NEK7: variants seen among roughly 807,000 people sequenced by gnomAD.
NEK7 encodes the protein serine/threonine-protein kinase Nek7.
Under a neutral mutation model 44.6 loss-of-function variants are expected in NEK7, and 18 were observed. The ratio of observed to expected loss-of-function variants is 0.40; its 90% confidence interval spans 0.28 to 0.60. The LOEUF is 0.60. Among genes scored for constraint, NEK7 ranks in the 20% least tolerant of loss-of-function variants. The probability of loss-of-function intolerance (pLI) is 0.38; values close to 1 mark genes in which losing one functional copy is unlikely to be tolerated. For missense variants in NEK7, 256 were observed against 366.5 expected (o/e 0.70, Z 2.46); for synonymous variants, 130 against 121.1 (o/e 1.07, Z -0.48).
intron 9 of NEK7, among the ~76,000 whole-genome samples, chr1:198,319,116 ACTG>A (rs1206075961): frequency 1.3e-5 from 2 of 152,192 alleles, no homozygotes; most frequent in Non-Finnish European, 2.9e-5. Context: ...GTCCTCAGTG[ACTG>A]CTATCTTCTG....
In NEK7 at chr1:198,264,214, C is replaced by T. The variant is rs61742184; in HGVS notation, c.351C>T (p.Gly117=). ...TAGTTTTGGAACTAGCAGATGCTGG[C>T]GACCTATCCAGAATGATCAAGGTAA... ...LNIVLELADA[G]DLSRMIKHFK... is the part of the protein sequence containing the mutation. Residue 117 remains glycine (G), a synonymous_variant, in exon 5 of 10, where the codon GGC becomes GGT. Transcript: ENST00000367385. The T allele has an allele frequency of 1.9e-5, 31 of 1,599,920 alleles. No homozygotes were observed. The highest frequency in any genetic ancestry group is 1.5e-4 in the African/African-American group (11 of 73,752).
At chr1:198,270,066 T>A (rs552825005) in intron 5 of NEK7, among the ~76,000 whole-genome samples, 39 of 152,028 alleles carry the variant, frequency 2.6e-4, no homozygotes, top group Non-Finnish European at 5.1e-4. Context: ...ACTATTCTAA[T>A]GTCAAGAAAC....
intron 1 of NEK7, among the ~76,000 whole-genome samples, chr1:198,227,085 T>C (rs546012701): frequency 1.3e-5 from 2 of 152,278 alleles, no homozygotes; most frequent in Admixed American, 1.3e-4. Flanking sequence ...GTTCTCATTG[T>C]TCAATTCCCA....
At chr1:198,271,980 G>A (rs1653867337) in intron 5 of NEK7, among the ~76,000 whole-genome samples, 2 of 147,714 alleles carry the variant, frequency 1.4e-5, no homozygotes, top group African/African-American at 4.9e-5. Context: ...CATAACATAT[G>A]TACATCTATG....
intron 7 of NEK7, among the ~76,000 whole-genome samples, chr1:198,282,513 C>G (rs890753265): frequency 6.6e-6 from 1 of 152,102 alleles, no homozygotes; most frequent in Non-Finnish European, 1.5e-5. Flanking sequence ...GGACCTTTAT[C>G]AAGCCATGTA....
chr1:198,223,015 A>T (rs1337424146), intron 1 of NEK7, among the ~76,000 whole-genome samples: 1 of 152,116 alleles, frequency 6.6e-6, no homozygotes, highest in Non-Finnish European at 1.5e-5. Flanking sequence ...AGGATTTCAC[A>T]GGTTTCAAGA....
intron 1 of NEK7, among the ~76,000 whole-genome samples, chr1:198,224,905 G>C (rs1026049256): frequency 1.3e-5 from 2 of 152,170 alleles, no homozygotes; most frequent in African/African-American, 4.8e-5. Context: ...AGTAAGTTTT[G>C]TAGTGCATGA....
intron 9 of NEK7, among the ~76,000 whole-genome samples, chr1:198,313,097 G>T (rs1412983525): frequency 6.6e-6 from 1 of 152,060 alleles, no homozygotes; most frequent in Non-Finnish European, 1.5e-5. Context: ...GGTCACTCAG[G>T]AGTTGCTTTA....
chr1:198,239,536 T>C (rs192228781), intron 2 of NEK7, among the ~76,000 whole-genome samples: 2 of 152,292 alleles, frequency 1.3e-5, no homozygotes, highest in Admixed American at 1.3e-4. Flanking sequence ...CAGAAATATA[T>C]ACTTTGGAAG....
intron 1 of NEK7, among the ~76,000 whole-genome samples, chr1:198,175,977 A>G (rs1040424109): frequency 6.6e-6 from 1 of 152,290 alleles, no homozygotes; most frequent in African/African-American, 2.4e-5. Context: ...TTCTCATGCT[A>G]TGTACTCATT....
At chr1:198,291,494 GACACTATAGAAATTGGCGT>G (rs151321088) in intron 7 of NEK7, among the ~76,000 whole-genome samples, 21,033 of 152,082 alleles carry the variant, frequency 0.14, 2,137 homozygotes, top group East Asian at 0.58. Context: ...TTGCTTTTCT[GACACTATAGAAATTGGCGT>G]ATTTACCTGT....
intron 9 of NEK7, among the ~76,000 whole-genome samples, chr1:198,297,789 C>T (rs765899388): frequency 2.0e-5 from 3 of 152,190 alleles, no homozygotes; most frequent in Non-Finnish European, 4.4e-5. Flanking sequence ...CACTGCTATA[C>T]TCAGATTCTA....
intron 7 of NEK7, among the ~76,000 whole-genome samples, chr1:198,290,481 G>A (rs1268800886): frequency 2.0e-5 from 3 of 152,120 alleles, no homozygotes; most frequent in African/African-American, 7.2e-5. Flanking sequence ...GATAGAGAGA[G>A]GTAAGGACTA....
intron 1 of NEK7, among the ~76,000 whole-genome samples, chr1:198,212,670 C>T (rs1043877308): frequency 3.9e-5 from 6 of 152,174 alleles, no homozygotes; most frequent in African/African-American, 1.4e-4. Context: ...ACACAATGGA[C>T]AGGGACATTT....
At chr1:198,286,355 T>C (rs555709156) in intron 7 of NEK7, among the ~76,000 whole-genome samples, 11 of 152,178 alleles carry the variant, frequency 7.2e-5, no homozygotes, top group Admixed American at 7.2e-4. Context: ...TGGCTTCTCC[T>C]GCTCCGCCAC....
At position 198,320,511 on chromosome 1, in the gene NEK7, A is replaced by G. The variant is rs1239362710; in HGVS notation, c.*989A>G. Reference sequence around the variant, plus strand: ...TTCTTCAAGTTACTTTCTTATTTATATTGTATGTGCATTTTATCCATTAAT... The same window carrying G: ...TTCTTCAAGTTACTTTCTTATTTATGTTGTATGTGCATTTTATCCATTAAT... On this transcript the variant is annotated 3_prime_UTR_variant, in exon 10 of 10. Transcript: ENST00000367385. The G allele has an allele frequency of 6.6e-6, 1 of 152,102 alleles. No homozygotes were observed. The highest frequency in any genetic ancestry group is 1.5e-5 in the Non-Finnish European group (1 of 68,006). The allele number at this position is 152,102 out of a possible 1,614,324, so 9.4% of individuals were successfully genotyped here.
At chr1:198,159,109 C>G (rs1468500500) in intron 1 of NEK7, among the ~76,000 whole-genome samples, 1 of 152,188 alleles carries the variant, frequency 6.6e-6, no homozygotes, top group African/African-American at 2.4e-5. Context: ...CCTGAAATTC[C>G]GCTGGGTGCC....
At chr1:198,294,526 A>G (rs899999004) in intron 8 of NEK7, among the ~76,000 whole-genome samples, 1 of 152,144 alleles carries the variant, frequency 6.6e-6, no homozygotes, top group Non-Finnish European at 1.5e-5. Flanking sequence ...TCCAATAACT[A>G]GATTAAATTT....
At chr1:198,189,912 A>G (rs934635118) in intron 1 of NEK7, among the ~76,000 whole-genome samples, 1 of 152,120 alleles carries the variant, frequency 6.6e-6, no homozygotes, top group African/African-American at 2.4e-5. Context: ...CCAGGTTTCA[A>G]TGATATTTTT....
Sources: gnomAD v4.1 joint callset for allele counts (sites outside exome capture counted in the v4.1 genomes callset) on GRCh38, gnomAD v4.1.1 for gene constraint, MANE v1.5 for transcripts, NCBI Gene and HGNC (gene_info 2026-07-23, HGNC 2026-07-21) for gene names.